CMIP: variants seen among roughly 807,000 people sequenced by gnomAD.
CMIP encodes the protein C-Maf-inducing protein.
In CMIP, 13 loss-of-function variants were observed where a neutral mutation model predicts 97.3. The ratio of observed to expected loss-of-function variants is 0.13; its 90% CI spans 0.09 to 0.21. The LOEUF (loss-of-function observed/expected upper bound fraction) is 0.21. CMIP is among the 10% of genes least tolerant of loss of function. The pLI is 1.00. For missense variants in CMIP, 847 were observed against 1,024.9 expected (o/e 0.83, Z 2.37); for synonymous variants, 538 against 436.3 (o/e 1.23, Z -2.91).
intron 1 of CMIP, among the ~76,000 whole-genome samples, chr16:81,473,629 C>A (rs1485627857): frequency 1.6e-5 from 2 of 127,772 alleles, no homozygotes; most frequent in East Asian, 4.0e-4. Flanking sequence ...GATTCATGGG[C>A]TTGGACGCTT....
chr16:81,576,504 C>T (rs186373384), intron 1 of CMIP, among the ~76,000 whole-genome samples: 2 of 152,212 alleles, frequency 1.3e-5, no homozygotes, highest in Non-Finnish European at 2.9e-5. Context: ...TTCAGTTGTA[C>T]GTCTCTGAAT....
In CMIP at chr16:81,528,900, C is replaced by T. The variant is rs1194231428; in HGVS notation, c.301-78667C>T. 2.6e-5 allele frequency among the ~76,000 whole-genome samples: 4 copies of T among 152,272 alleles called. No homozygotes were observed. In the East Asian group the frequency reaches 7.7e-4, roughly 29 times the overall value. On this transcript the variant is annotated intron_variant, in intron 1 of 20. Coordinates refer to ENST00000537098, the MANE Select transcript of CMIP (RefSeq NM_198390.3). Reference sequence around the variant, plus strand: ...TTAGGCACTCACCCATGCTCCCTCCCTTCCTTTCTCCTCTCCTTCAGTTTG... The same window carrying T: ...TTAGGCACTCACCCATGCTCCCTCCTTTCCTTTCTCCTCTCCTTCAGTTTG...
chr16:81,572,626 G>A, intron 1 of CMIP, among the ~76,000 whole-genome samples: 1 of 152,152 alleles, frequency 6.6e-6, no homozygotes, highest in East Asian at 1.9e-4. Context: ...ACTTCCCCAG[G>A]GTGCCCGGCC....
At chr16:81,626,206 AG>A (rs1244167350) in intron 3 of CMIP, among the ~76,000 whole-genome samples, 1 of 113,786 alleles carries the variant, frequency 8.8e-6, no homozygotes, top group Non-Finnish European at 2.1e-5. Context: ...TGTGAGAGTG[AG>A]TGTGTGTGCG....
intron 1 of CMIP, among the ~76,000 whole-genome samples, chr16:81,594,121 C>A (rs2091512075): frequency 7.3e-6 from 1 of 137,094 alleles, no homozygotes; most frequent in Non-Finnish European, 1.6e-5. Flanking sequence ...CATTCTCCCC[C>A]CTCCTCCCTT....
intron 1 of CMIP, among the ~76,000 whole-genome samples, chr16:81,454,359 A>AC (rs1906417887): frequency 6.6e-6 from 1 of 152,096 alleles, no homozygotes; most frequent in African/African-American, 2.4e-5. Context: ...GCCAGGTCTG[A>AC]CCCCGTGTCT....
chr16:81,579,266 G>C lies in CMIP; in HGVS notation c.301-28301G>C, dbSNP rs1597110569. On this transcript the variant is annotated intron_variant, in intron 1 of 20. Transcript: ENST00000537098. Reference sequence around the variant, plus strand: ...CCTTGCAAGACAGAGGCCAGCAGCTGGTCCTCCTGGGGCCTCCATGGGGCA... The same window carrying C: ...CCTTGCAAGACAGAGGCCAGCAGCTCGTCCTCCTGGGGCCTCCATGGGGCA... 1.3e-5 allele frequency among the ~76,000 whole-genome samples: 2 copies of C among 152,172 alleles called. 1 individual carries two copies. Among genetic ancestry groups the C allele is most frequent in the South Asian group, 4.1e-4 (2 of 4,830 alleles).
Position 81,652,143 on chromosome 16 carries a change from C to G in CMIP, c.478-60C>G. 3 of 1,377,880 alleles carry G rather than the reference C, an allele frequency of 2.2e-6. No homozygotes were observed. The highest frequency in any genetic ancestry group is 3.1e-6 in the Non-Finnish European group (3 of 975,182). 85.4% of individuals were successfully genotyped at this position (1,377,880 alleles called of 1,614,324 possible). A position where few individuals can be genotyped will look rare whatever the true frequency, so the allele number is the denominator to read the frequency against. On this transcript the variant is annotated intron_variant, in intron 3 of 20. Coordinates refer to ENST00000537098, the MANE Select transcript of CMIP (RefSeq NM_198390.3). This position sits in a 1 kb window ranked among gnomAD's most constrained non-coding sequence, Gnocchi z 5.2. Reference sequence around the variant, plus strand: ...ACCCATCTGATTCTTTGATTGTCTTCCATCTTCTGCCTTCCTTACGTGAGT... The same window carrying G: ...ACCCATCTGATTCTTTGATTGTCTTGCATCTTCTGCCTTCCTTACGTGAGT...
chr16:81,691,168 T>C (rs1260638389), intron 10 of CMIP, among the ~76,000 whole-genome samples: 1 of 152,180 alleles, frequency 6.6e-6, no homozygotes, highest in Non-Finnish European at 1.5e-5. Context: ...TCAACAAACA[T>C]GTATTTCTCT....
At chr16:81,708,814 C>T (rs1002457750) in intron 20 of CMIP, among the ~76,000 whole-genome samples, 3 of 152,226 alleles carry the variant, frequency 2.0e-5, no homozygotes, top group Non-Finnish European at 2.9e-5. Flanking sequence ...CACCTGTAAC[C>T]TCTGCCTGGG....
At chr16:81,462,571 A>C (rs1195534708) in intron 1 of CMIP, among the ~76,000 whole-genome samples, 1 of 152,152 alleles carries the variant, frequency 6.6e-6, no homozygotes, top group African/African-American at 2.4e-5. Flanking sequence ...TCCTTTGGCC[A>C]GGTAAGTGTG....
intron 2 of CMIP, among the ~76,000 whole-genome samples, chr16:81,612,590 A>T (rs1389516557): frequency 1.3e-5 from 2 of 152,216 alleles, no homozygotes; most frequent in African/African-American, 4.8e-5. Context: ...GGTCGCTCAC[A>T]GCGCACCCTG....
At chr16:81,504,327 A>G (rs1597483628) in intron 1 of CMIP, among the ~76,000 whole-genome samples, 1 of 151,894 alleles carries the variant, frequency 6.6e-6, no homozygotes, top group East Asian at 1.9e-4. Flanking sequence ...CTGTCTCAAA[A>G]AAAGGAAAAA....
At chr16:81,557,777 C>G (rs79277834) in intron 1 of CMIP, among the ~76,000 whole-genome samples, 1 of 152,138 alleles carries the variant, frequency 6.6e-6, no homozygotes, top group Non-Finnish European at 1.5e-5. Flanking sequence ...AAAAACAAGA[C>G]AATTGTGGTG....
At chr16:81,668,032 G>A (rs1449643664) in intron 7 of CMIP, among the ~76,000 whole-genome samples, 2 of 152,186 alleles carry the variant, frequency 1.3e-5, no homozygotes, top group East Asian at 1.9e-4. Context: ...GGGAGCCTGC[G>A]GGAGGGAGTG....
At chr16:81,490,744 G>A (rs1321517493) in intron 1 of CMIP, among the ~76,000 whole-genome samples, 1 of 152,200 alleles carries the variant, frequency 6.6e-6, no homozygotes, top group African/African-American at 2.4e-5. Context: ...AACACTTGAT[G>A]TGAAACTTTA....
At chr16:81,651,489 G>T in intron 3 of CMIP, 1 of 543,572 alleles carries the variant, frequency 1.8e-6, no homozygotes, top group Non-Finnish European at 2.3e-6. Flanking sequence ...ATTTCCCGGG[G>T]GAGCATTCCA....
intron 1 of CMIP, among the ~76,000 whole-genome samples, chr16:81,537,546 CAAAAAAAAA>C (rs397695977): frequency 1.1e-3 from 88 of 82,070 alleles, no homozygotes; most frequent in East Asian, 4.7e-3. Context: ...AAAAAAAAGA[CAAAAAAAAA>C]AAAAAAAAAA....
At chr16:81,496,507 AG>A (rs2089493828) in intron 1 of CMIP, among the ~76,000 whole-genome samples, 1 of 152,262 alleles carries the variant, frequency 6.6e-6, no homozygotes, top group African/African-American at 2.4e-5. Context: ...CCTTTCAGCA[AG>A]GATCAAATCA....
Sources: gnomAD v4.1 joint callset for allele counts (sites outside exome capture counted in the v4.1 genomes callset) on GRCh38, gnomAD v4.1.1 for gene constraint, Gnocchi (gnomAD v3.1) non-coding constraint, MANE v1.5 for transcripts, NCBI Gene and HGNC (gene_info 2026-07-23, HGNC 2026-07-21) for gene names.